STKLD1: variants seen among roughly 807,000 people sequenced by gnomAD.
STKLD1 encodes serine/threonine kinase-like domain-containing protein STKLD1.
In STKLD1, 79 loss-of-function variants were observed where a neutral mutation model predicts 80.4. That is an observed-to-expected ratio of 0.98 (90% CI 0.82 to 1.19). The LOEUF (loss-of-function observed/expected upper bound fraction) is 1.19. Ranked by LOEUF, STKLD1 falls within the 50% of genes most tolerant of loss-of-function variation. STKLD1 has a pLI of 0.00. For missense variants in STKLD1, 841 were observed against 856.0 expected (o/e 0.98, Z 0.22); for synonymous variants, 393 against 357.6 (o/e 1.10, Z -1.12).
At chr9:133,388,965 C>T (rs1274825292) in intron 5 of STKLD1, 15 of 985,404 alleles carry the variant, frequency 1.5e-5, no homozygotes, top group South Asian at 1.4e-4. Flanking sequence ...AGTGGGAGGA[C>T]GCCCACATCC....
At chr9:133,382,693 GTGA>G (rs1468251290) in intron 2 of STKLD1, among the ~76,000 whole-genome samples, 6,894 of 151,006 alleles carry the variant, frequency 0.046, 169 homozygotes, top group African/African-American at 0.063. Context: ...GGTGGTGATG[GTGA>G]TGATAATAGT....
At chr9:133,387,981 G>A (rs2130281465) in intron 5 of STKLD1, 23 of 396,310 alleles carry the variant, frequency 5.8e-5, no homozygotes, top group Admixed American at 5.5e-5. Context: ...GCCTGATTGC[G>A]CTGCAGGCTG....
At chr9:133,393,559 G>A in intron 7 of STKLD1, among the ~76,000 whole-genome samples, 1 of 149,568 alleles carries the variant, frequency 6.7e-6, no homozygotes, top group East Asian at 2.0e-4. Flanking sequence ...GTGAGTGTGT[G>A]GGTAGATGGG....
Position 133,401,832 on chromosome 9 carries a change from A to G in STKLD1, c.1293A>G (p.Pro431=). 1 of 1,613,636 alleles carries G rather than the reference A, an allele frequency of 6.2e-7. No individual in the cohort carries two copies. Among genetic ancestry groups the G allele is most frequent in the East Asian group, 2.2e-5 (1 of 44,874 alleles). The part of the protein sequence containing the change: ...SALQSHPEEE[P]LLVMVYSLLA... Reference sequence around the variant, plus strand: ...TTCAGAGCCACCCCGAGGAGGAGCCACTTCTTGTCATGGTCTACAGCCTGC... The same window carrying G: ...TTCAGAGCCACCCCGAGGAGGAGCCGCTTCTTGTCATGGTCTACAGCCTGC... Residue 431 remains proline, a synonymous_variant, in exon 13 of 18, where the codon CCA becomes CCG. Transcript: ENST00000371957.
In STKLD1 at chr9:133,379,148, A is replaced by G. The variant is rs2130259787; in HGVS notation, c.174+26A>G. ...GTAAGAGGCCAAGCCTGTGCATCCC[A>G]TGCCGGGTGGTTCTGTGACTGTGAT... is the stretch of plus-strand genomic sequence containing the variant. On this transcript the variant is annotated intron_variant, in intron 2 of 17. Coordinates refer to ENST00000371957, the MANE Select transcript of STKLD1 (RefSeq NM_153710.5). The G allele has an allele frequency of 2.5e-6, 4 of 1,599,896 alleles. No individual in the cohort carries two copies. The Admixed American group carries it at 6.8e-5, about 27-fold the overall frequency.
rs781890780 is a variant in STKLD1, at chr9:133,400,433, CTGGTGGAGG to C, written c.1109_1117del (p.Glu370_Val372del). On this transcript the variant is annotated inframe_deletion, in exon 12 of 18. Coordinates refer to ENST00000371957, the MANE Select transcript of STKLD1 (RefSeq NM_153710.5). Reference sequence around the variant, plus strand: ...GCCAGGTCTGCCGTGGCCCCCGGAGCTGGTGGAGGTGGTGGTCACGACCATGGAGCTACA... The same window carrying C: ...GCCAGGTCTGCCGTGGCCCCCGGAGCTGGTGGTCACGACCATGGAGCTACA... The C allele has an allele frequency of 3.8e-5, 62 of 1,612,926 alleles. No homozygotes were observed. Among genetic ancestry groups the C allele is most frequent in the African/African-American group, 1.1e-4 (8 of 74,938 alleles).
intron 13 of STKLD1, 73 bp downstream of exon 13, chr9:133,401,951 G>C: frequency 6.3e-7 from 1 of 1,577,906 alleles, no homozygotes. Context: ...GGAAGGGTTG[G>C]TTTGGGGTAT....
In STKLD1 at chr9:133,397,241, T is replaced by C; in HGVS notation, c.944T>C (p.Val315Ala). 6.2e-7 allele frequency: 1 copy of C among 1,613,914 alleles called. No homozygotes were observed. The highest frequency in any genetic ancestry group is 8.5e-7 in the Non-Finnish European group (1 of 1,180,022). The change falls in exon 10 of 18, where the codon GTG (valine) becomes GCG (alanine). Residue 315 changes from valine to alanine, a missense_variant. Coordinates refer to ENST00000371957, the MANE Select transcript of STKLD1 (RefSeq NM_153710.5). The part of the protein sequence containing the change: ...CVSLTLHRQM[V>A]PASITDMLLE... The stretch of plus-strand genomic sequence containing the variant: ...TCTCTGACCCTGCACCGGCAGATGG[T>C]GCCTGCGTCCATCACCGACATGCTG...
At chr9:133,399,196 TTTCCA>T (rs1283088206) in intron 11 of STKLD1, among the ~76,000 whole-genome samples, 1 of 152,180 alleles carries the variant, frequency 6.6e-6, no homozygotes, top group Admixed American at 6.6e-5. Flanking sequence ...TCATAAAATC[TTTCCA>T]TTCAACCTTT....
At chr9:133,393,315 G>C (rs1182494615) in intron 7 of STKLD1, among the ~76,000 whole-genome samples, 3 of 138,530 alleles carry the variant, frequency 2.2e-5, no homozygotes, top group Non-Finnish European at 4.7e-5. Flanking sequence ...TGGATAGATG[G>C]GTGGGTGAGT....
chr9:133,390,240 CA>C lies in STKLD1; in HGVS notation c.468-440del, dbSNP rs1838357384. On this transcript the variant is annotated intron_variant, in intron 6 of 17. Coordinates refer to ENST00000371957, the MANE Select transcript of STKLD1 (RefSeq NM_153710.5). The surrounding 1 kb of genome is among the most constrained non-coding windows in gnomAD (Gnocchi z 5.1). The stretch of plus-strand genomic sequence containing the variant: ...ACACACACACACACACACACACACA[CA>C]CACACACACACCACGCAGACCATAC... 7.4e-6 allele frequency among the ~76,000 whole-genome samples: 1 copy of C among 134,316 alleles called. No homozygotes were observed. The highest frequency in any genetic ancestry group is 1.6e-5 in the Non-Finnish European group (1 of 63,386). The allele number at this position is 134,316 out of a possible 152,430, so 88.1% of individuals were successfully genotyped here.
chr9:133,394,271 C>T lies in STKLD1; in HGVS notation c.584-20C>T. The T allele has an allele frequency of 6.5e-7, 1 of 1,549,942 alleles. No individual in the cohort carries two copies. The highest frequency in any genetic ancestry group is 8.9e-7 in the Non-Finnish European group (1 of 1,121,658). On this transcript the variant is annotated intron_variant, in intron 7 of 17. Transcript: ENST00000371957. This position sits in a 1 kb window ranked among gnomAD's most constrained non-coding sequence, Gnocchi z 4.9. Reference sequence around the variant, plus strand: ...CAGGGAGCAAAGGACTCAGGGATCCCACCTTGCTTTTACCAACAGACCCCT... The same window carrying T: ...CAGGGAGCAAAGGACTCAGGGATCCTACCTTGCTTTTACCAACAGACCCCT...
chr9:133,402,844 G>C, intron 13 of STKLD1, 34 bp from the exon 14 acceptor site: 1 of 1,582,870 alleles, frequency 6.3e-7, no homozygotes, highest in East Asian at 2.3e-5. Context: ...CTGGAGGGAG[G>C]GGCCCTGGGG....
intron 9 of STKLD1, among the ~76,000 whole-genome samples, chr9:133,396,420 AGAGT>A (rs1838566197): frequency 6.6e-6 from 1 of 152,142 alleles, no homozygotes; most frequent in Admixed American, 6.5e-5. Flanking sequence ...CCTGGGTGAC[AGAGT>A]GAGACCCTGT....
chr9:133,376,735 C>G (rs1346013188), intron 1 of STKLD1, among the ~76,000 whole-genome samples, 175 bp downstream of exon 1: 1 of 152,222 alleles, frequency 6.6e-6, no homozygotes, highest in Non-Finnish European at 1.5e-5. Context: ...CCTGGGTGCC[C>G]TTTGCCACTC....
At chr9:133,383,051 A>G (rs1410243045) in intron 2 of STKLD1, among the ~76,000 whole-genome samples, 1 of 138,454 alleles carries the variant, frequency 7.2e-6, no homozygotes, top group Non-Finnish European at 1.6e-5. Context: ...TGGGGATAAT[A>G]GTGGTGATGG....
At chr9:133,379,205 G>C (rs2130260074) in intron 2 of STKLD1, 83 bp downstream of exon 2, 1 of 1,195,734 alleles carries the variant, frequency 8.4e-7, no homozygotes, top group African/African-American at 1.5e-5. Flanking sequence ...CCATGTTGGA[G>C]AAGCTTCCTG....
At position 133,385,830 on chromosome 9, in the gene STKLD1, C is replaced by A. The variant is rs887556382; in HGVS notation, c.294+139C>A. 1 of 734,762 alleles carries A rather than the reference C, an allele frequency of 1.4e-6. No individual in the cohort carries two copies. The highest frequency in any genetic ancestry group is 2.3e-6 in the Non-Finnish European group (1 of 440,718). The allele number at this position is 734,762 out of a possible 1,614,324, so 45.5% of individuals were successfully genotyped here. Reference sequence around the variant, plus strand: ...TGGCAGTGACTGTAAACGTGGCCACCCCTGACCTAACACTCACTGGGGCCA... The same window carrying A: ...TGGCAGTGACTGTAAACGTGGCCACACCTGACCTAACACTCACTGGGGCCA... On this transcript the variant is annotated intron_variant, in intron 4 of 17. Coordinates refer to ENST00000371957, the MANE Select transcript of STKLD1 (RefSeq NM_153710.5). The surrounding 1 kb of genome is among the most constrained non-coding windows in gnomAD (Gnocchi z 4.9).
At chr9:133,376,699 A>AC (rs1366999677) in intron 1 of STKLD1, 139 bp downstream of exon 1, 1 of 689,656 alleles carries the variant, frequency 1.5e-6, no homozygotes, top group African/African-American at 1.9e-5. Context: ...CCTAGGTTGA[A>AC]CCCGGGGGGC....
Sources: allele counts gnomAD v4.1 joint callset (sites outside exome capture counted in the v4.1 genomes callset), GRCh38; gene constraint gnomAD v4.1.1; non-coding constraint Gnocchi (gnomAD v3.1); transcripts MANE v1.5; gene names NCBI Gene and HGNC (gene_info 2026-07-23, HGNC 2026-07-21).